Variants in SUPT5H observed in about 807,000 individuals in gnomAD.
SUPT5H encodes transcription elongation factor SPT5.
A neutral mutation model predicts 142.5 loss-of-function variants in SUPT5H; 24 were observed. The observed-to-expected ratio is 0.17, with a 90% CI of 0.12 to 0.24. The LOEUF (loss-of-function observed/expected upper bound fraction) is 0.24, where lower values mean the gene tolerates loss of function less well. Among genes scored for constraint, SUPT5H ranks in the 10% least tolerant of loss-of-function variants. SUPT5H has a pLI of 1.00. For missense variants in SUPT5H, 893 were observed against 1,471.8 expected (o/e 0.61, Z 6.43); for synonymous variants, 546 against 553.0 (o/e 0.99, Z 0.18).
intron 9 of SUPT5H, 80 bp from the exon 10 acceptor site, chr19:39,459,812 T>G (rs972575469): frequency 2.0e-6 from 3 of 1,498,870 alleles, no homozygotes; most frequent in Non-Finnish European, 2.8e-6. Flanking sequence ...TTTATTTTTC[T>G]TGCTGCTGTC....
At chr19:39,448,267 C>A (rs987783077) in intron 2 of SUPT5H, among the ~76,000 whole-genome samples, 1 of 152,200 alleles carries the variant, frequency 6.6e-6, no homozygotes, top group Non-Finnish European at 1.5e-5. Context: ...TGCTTATCCT[C>A]TGTGGACATT....
chr19:39,470,639 C>G lies in SUPT5H; in HGVS notation c.1677+116C>G, dbSNP rs2079306426. The G allele has an allele frequency of 8.3e-7, 1 of 1,205,168 alleles. No individual in the cohort carries two copies. 74.7% of individuals were successfully genotyped at this position (1,205,168 alleles called of 1,614,324 possible). On this transcript the variant is annotated intron_variant, in intron 18 of 29. Coordinates refer to ENST00000432763, the MANE Select transcript of SUPT5H (RefSeq NM_001111020.3). This position sits in a 1 kb window ranked among gnomAD's most constrained non-coding sequence, Gnocchi z 5.8. ...ACTGCTCTGGGTTGCAGATCTGGCT[C>G]TGTCACTTACATCTGAATGGCTGAT...
chr19:39,469,338 C>T lies in SUPT5H; in HGVS notation c.1314C>T (p.Gly438=), dbSNP rs1470465051. ...AGGGTGAGCTCATCAACCTGCAGGG[C>T]AAGATCCTCAGCGTGGATGGCAACA... is the stretch of plus-strand genomic sequence containing the variant. The part of the protein sequence containing the change: ...VCEGELINLQ[G]KILSVDGNKI... Residue 438 remains glycine, a synonymous_variant, in exon 16 of 30, where the codon GGC becomes GGT. Coordinates refer to ENST00000432763, the MANE Select transcript of SUPT5H (RefSeq NM_001111020.3). This position sits in a 1 kb window ranked among gnomAD's most constrained non-coding sequence, Gnocchi z 5.1. The T allele has an allele frequency of 6.2e-7, 1 of 1,614,202 alleles. No homozygotes were observed.
At chr19:39,475,969 C>G in intron 28 of SUPT5H, 112 bp from the exon 29 acceptor site, 15 of 1,009,086 alleles carry the variant, frequency 1.5e-5, no homozygotes, top group Non-Finnish European at 2.2e-5. Flanking sequence ...TTTCCTGCCC[C>G]CATTTCACCT....
At chr19:39,475,951 C>T in intron 28 of SUPT5H, 130 bp from the exon 29 acceptor site, 1 of 821,704 alleles carries the variant, frequency 1.2e-6, no homozygotes, top group East Asian at 2.7e-5. Context: ...CCAGGCCCAG[C>T]CTTGGCCTTT....
rs1448665143 is a variant in SUPT5H, at chr19:39,472,883, C to T, written c.2109C>T (p.Asn703=). ...GCAGGGGCCGGGGCCGGAGGGACAA[C>T]GAACTCATCGGCCAGACCGTGCGCA... ...GMSRGRGRRD[N]ELIGQTVRIS... The change falls in exon 22 of 30, where the codon AAC becomes AAT. Residue 703 remains asparagine (N), a synonymous_variant. Coordinates refer to ENST00000432763, the MANE Select transcript of SUPT5H (RefSeq NM_001111020.3). The surrounding 1 kb of genome is among the most constrained non-coding windows in gnomAD (Gnocchi z 4.2). 6.2e-6 allele frequency: 10 copies of T among 1,613,808 alleles called. No individual in the cohort carries two copies. Among genetic ancestry groups the T allele is most frequent in the South Asian group, 1.1e-5 (1 of 91,066 alleles).
chr19:39,453,180 C>T (rs184677403), intron 2 of SUPT5H, among the ~76,000 whole-genome samples, 176 bp from the exon 3 acceptor site: 106 of 151,970 alleles, frequency 7.0e-4, no homozygotes, highest in African/African-American at 2.1e-3. Flanking sequence ...GCAGTGCTGT[C>T]GCTGAGATAG....
chr19:39,469,963 AG>A lies in SUPT5H; in HGVS notation c.1375-152del, dbSNP rs1268582184. 1 of 958,330 alleles carries A rather than the reference AG, an allele frequency of 1.0e-6. No individual in the cohort carries two copies. Among genetic ancestry groups the A allele is most frequent in the Non-Finnish European group, 1.5e-6 (1 of 649,314 alleles). 59.4% of individuals were successfully genotyped at this position (958,330 alleles called of 1,614,324 possible). A position where few individuals can be genotyped will look rare whatever the true frequency, so the allele number is the denominator to read the frequency against. On this transcript the variant is annotated intron_variant, in intron 16 of 29. Coordinates refer to ENST00000432763, the MANE Select transcript of SUPT5H (RefSeq NM_001111020.3). The surrounding 1 kb of genome is among the most constrained non-coding windows in gnomAD (Gnocchi z 5.1). ...GGTCAGCTGTTTCTGGGGCAGTCTG[AG>A]GGGTCGTCCAGGTGGACTAAGGTAG...
rs1175597233 is a variant in SUPT5H, at chr19:39,469,856, C to G, written c.1375-263C>G. 3.0e-5 allele frequency: 15 copies of G among 502,144 alleles called. No homozygotes were observed. Among genetic ancestry groups the G allele is most frequent in the Admixed American group, 2.2e-4 (6 of 27,594 alleles). 31.1% of individuals were successfully genotyped at this position (502,144 alleles called of 1,614,324 possible). A position where few individuals can be genotyped will look rare whatever the true frequency, so the allele number is the denominator to read the frequency against. On this transcript the variant is annotated intron_variant, in intron 16 of 29. Transcript: ENST00000432763. This position sits in a 1 kb window ranked among gnomAD's most constrained non-coding sequence, Gnocchi z 5.1. Reference sequence around the variant, plus strand: ...GGGTCCTGTGTCTGAGGGGCAGGCTCTCTGTGTGGGTATAGGTAGGCATCG... The same window carrying G: ...GGGTCCTGTGTCTGAGGGGCAGGCTGTCTGTGTGGGTATAGGTAGGCATCG...
chr19:39,474,276 A>T lies in SUPT5H; in HGVS notation c.2694A>T (p.Pro898=). 1.9e-6 allele frequency: 3 copies of T among 1,612,162 alleles called. No individual in the cohort carries two copies. The highest frequency in any genetic ancestry group is 2.5e-6 in the Non-Finnish European group (3 of 1,179,470). Reference sequence around the variant, plus strand: ...TCTCTCCCTATGCTGCCCCCTCCCCACAAGGTTCCTACCAGCCCAGCCCCA... The same window carrying T: ...TCTCTCCCTATGCTGCCCCCTCCCCTCAAGGTTCCTACCAGCCCAGCCCCA... The part of the protein sequence containing the change: ...DQFSPYAAPS[P]QGSYQPSPSP... The change falls in exon 27 of 30, where the codon CCA becomes CCT. Residue 898 remains proline, a synonymous_variant. Coordinates refer to ENST00000432763, the MANE Select transcript of SUPT5H (RefSeq NM_001111020.3). This position sits in a 1 kb window ranked among gnomAD's most constrained non-coding sequence, Gnocchi z 6.5.
At position 39,476,248 on chromosome 19, in the gene SUPT5H, A is replaced by C. The variant is rs763845583; in HGVS notation, c.3121-8A>C. ...CATGGACCCTGACCATATTCCCCCC[A>C]CCCCCAGGTGAAAGTGATCCTGGGC... is the stretch of plus-strand genomic sequence containing the variant. On this transcript the variant is annotated splice_region_variant and splice_polypyrimidine_tract_variant and intron_variant, in intron 29 of 29. Coordinates refer to ENST00000432763, the MANE Select transcript of SUPT5H (RefSeq NM_001111020.3). The C allele has an allele frequency of 3.5e-5, 56 of 1,613,238 alleles. No homozygotes were observed. The Middle Eastern group carries it at 4.9e-4, about 14-fold the overall frequency.
chr19:39,473,424 A>G lies in SUPT5H; in HGVS notation c.2395A>G (p.Thr799Ala). The change falls in exon 25 of 30, where the codon ACC (threonine) becomes GCC (alanine). Residue 799 changes from threonine (T) to alanine (A), a missense_variant. Thr to Ala is a moderately conservative substitution (Grantham distance 58, BLOSUM62 0). Coordinates refer to ENST00000432763, the MANE Select transcript of SUPT5H (RefSeq NM_001111020.3). The surrounding 1 kb of genome is among the most constrained non-coding windows in gnomAD (Gnocchi z 5.8). ...SQTPLQDGSR[T>A]PHYGSQTPLH... ...CATTTCCCCCATTCCAGGTAGCCGCACCCCACACTACGGCTCACAGACGCC... is the reference window on the plus strand; with the variant it reads ...CATTTCCCCCATTCCAGGTAGCCGCGCCCCACACTACGGCTCACAGACGCC... 2 of 1,612,824 alleles carry G rather than the reference A, an allele frequency of 1.2e-6. No homozygotes were observed. Among genetic ancestry groups the G allele is most frequent in the Non-Finnish European group, 1.7e-6 (2 of 1,179,734 alleles).
chr19:39,474,394 G>A lies in SUPT5H; in HGVS notation c.2812G>A (p.Ala938Thr). The A allele has an allele frequency of 6.2e-7, 1 of 1,613,910 alleles. No individual in the cohort carries two copies. The highest frequency in any genetic ancestry group is 8.5e-7 in the Non-Finnish European group (1 of 1,179,890). Residue 938 changes from alanine (A) to threonine (T), a missense_variant, in exon 27 of 30, where the codon GCC (alanine) becomes ACC (threonine). Ala to Thr is a moderately conservative substitution (Grantham distance 58, BLOSUM62 0). This residue lies in a region of SUPT5H where 336 missense variants were observed against 546.5 expected (regional missense o/e 0.61). Coordinates refer to ENST00000432763, the MANE Select transcript of SUPT5H (RefSeq NM_001111020.3). The surrounding 1 kb of genome is among the most constrained non-coding windows in gnomAD (Gnocchi z 6.5). ...ASYHPTPSPM[A>T]YQASPSPSPV... ...CTACCACCCTACACCGTCGCCCATGGCCTATCAGGTAATGGTCTGCCTGCC... is the reference window on the plus strand; with the variant it reads ...CTACCACCCTACACCGTCGCCCATGACCTATCAGGTAATGGTCTGCCTGCC...
At chr19:39,459,408 C>A in intron 8 of SUPT5H, 151 bp from the exon 9 acceptor site, 1 of 1,314,322 alleles carries the variant, frequency 7.6e-7, no homozygotes, top group Non-Finnish European at 1.1e-6. Flanking sequence ...CTTTCTCTTT[C>A]CTCTTGCTCC....
intron 4 of SUPT5H, 39 bp downstream of exon 4, chr19:39,457,779 AG>A (rs1048796206): frequency 6.2e-7 from 1 of 1,613,696 alleles, no homozygotes; most frequent in African/African-American, 1.3e-5. Context: ...TACTGGGAAG[AG>A]GGTGGCTGAG....
At chr19:39,475,262 T>G (rs1600729021) in intron 28 of SUPT5H, 1 of 143,036 alleles carries the variant, frequency 7.0e-6, no homozygotes, top group Non-Finnish European at 1.5e-5. Context: ...CTGGGCATAG[T>G]GGCGCATGCC....
chr19:39,470,875 A>C lies in SUPT5H; in HGVS notation c.1677+352A>C, dbSNP rs2079309997. Among the ~76,000 whole-genome samples the C allele has an allele frequency of 6.6e-6, 1 of 152,112 alleles. No individual in the cohort carries two copies. The highest frequency in any genetic ancestry group is 1.5e-5 in the Non-Finnish European group (1 of 68,010). On this transcript the variant is annotated intron_variant, in intron 18 of 29. Transcript: ENST00000432763. The surrounding 1 kb of genome is among the most constrained non-coding windows in gnomAD (Gnocchi z 5.8). ...CATGGATGTGGGAGTCATGGAGCAC[A>C]GTACTTAGGATCCTGGACTCCACAT...
chr19:39,476,569 T>C lies in SUPT5H; in HGVS notation c.*170T>C. 1.1e-6 allele frequency: 1 copy of C among 880,936 alleles called. No individual in the cohort carries two copies. Among genetic ancestry groups the C allele is most frequent in the African/African-American group, 1.7e-5 (1 of 59,226 alleles). The allele number at this position is 880,936 out of a possible 1,614,324, so 54.6% of individuals were successfully genotyped here. A position where few individuals can be genotyped will look rare whatever the true frequency, so the allele number is the denominator to read the frequency against. On this transcript the variant is annotated 3_prime_UTR_variant, in exon 30 of 30. Coordinates refer to ENST00000432763, the MANE Select transcript of SUPT5H (RefSeq NM_001111020.3). Reference sequence around the variant, plus strand: ...TCCCTCCCTGGTGCTCATTGGAATCTGAGTAGAGTCTGGGGGAGGGTCCCC... The same window carrying C: ...TCCCTCCCTGGTGCTCATTGGAATCCGAGTAGAGTCTGGGGGAGGGTCCCC...
rs115367952 is a variant in SUPT5H, at chr19:39,451,518, T to C, written c.76-1838T>C. Among the ~76,000 whole-genome samples the C allele has an allele frequency of 2.7e-3, 404 of 152,100 alleles. 3 individuals carry two copies. Among genetic ancestry groups the C allele is most frequent in the African/African-American group, 9.3e-3 (384 of 41,484 alleles). ...GAAAAAGTTTCAGATTTTGAAGCCT[T>C]TCAGATTTCAGTTTTTTGTTTGTTT... is the stretch of plus-strand genomic sequence containing the variant. On this transcript the variant is annotated intron_variant, in intron 2 of 29. Transcript: ENST00000432763.
Sources: gnomAD v4.1 joint callset for allele counts (sites outside exome capture counted in the v4.1 genomes callset) on GRCh38, gnomAD v4.1.1 for gene constraint, gnomAD v4.1.1 regional missense constraint, Gnocchi (gnomAD v3.1) non-coding constraint, MANE v1.5 for transcripts, NCBI Gene and HGNC (gene_info 2026-07-23, HGNC 2026-07-21) for gene names.